NDRG4: variants seen among roughly 807,000 people sequenced by gnomAD.
NDRG4 encodes the protein NDRG family member 4, also known as protein NDRG4.
A neutral mutation model predicts 55.8 loss-of-function variants in NDRG4; 38 were observed. The ratio of observed to expected loss-of-function variants is 0.68; its 90% CI spans 0.53 to 0.89. The LOEUF is 0.89. Among genes scored for constraint, NDRG4 ranks in the 40% least tolerant of loss-of-function variants. NDRG4 has a pLI of 0.00. For synonymous variants in NDRG4, 190 were observed against 182.7 expected (o/e 1.04, Z -0.32); for missense variants, 455 against 468.6 (o/e 0.97, Z 0.27).
In NDRG4 at chr16:58,492,551, T is replaced by C. The variant is rs3991379; in HGVS notation, c.73-2413T>C. ...GTGTGTGTGTGTGTGTGTGTGTGTG[T>C]GAGAGACAGACAGACAGTCTCGCCC... On this transcript the variant is annotated intron_variant, in intron 2 of 15. Transcript: ENST00000258187. 1.1e-4 allele frequency among the ~76,000 whole-genome samples: 5 copies of C among 43,922 alleles called. 2 individuals carry two copies. The highest frequency in any genetic ancestry group is 3.8e-4 in the Non-Finnish European group (5 of 13,288). 28.8% of individuals were successfully genotyped at this position (43,922 alleles called of 152,430 possible).
At chr16:58,485,824 A>G (rs2035023625) in intron 1 of NDRG4, among the ~76,000 whole-genome samples, 1 of 152,184 alleles carries the variant, frequency 6.6e-6, no homozygotes, top group Non-Finnish European at 1.5e-5. Flanking sequence ...ATATTAAATA[A>G]TATTTTATTA....
chr16:58,512,015 C>A lies in NDRG4; in HGVS notation c.*439C>A. On this transcript the variant is annotated 3_prime_UTR_variant, in exon 15 of 15. Transcript: ENST00000570248. Reference sequence around the variant, plus strand: ...GCCCTGGGAGACCCCTTCCCCCACCCTCCACCAAGCACACCTGTTTCTGTC... The same window carrying A: ...GCCCTGGGAGACCCCTTCCCCCACCATCCACCAAGCACACCTGTTTCTGTC... 2.2e-6 allele frequency: 1 copy of A among 460,022 alleles called. No individual in the cohort carries two copies. The highest frequency in any genetic ancestry group is 4.4e-6 in the Non-Finnish European group (1 of 229,360). The allele number at this position is 460,022 out of a possible 1,614,324, so 28.5% of individuals were successfully genotyped here.
In NDRG4 at chr16:58,506,619, G is replaced by A. The variant is rs768756934; in HGVS notation, c.516+5G>A. 28 of 1,551,016 alleles carry A rather than the reference G, an allele frequency of 1.8e-5. No homozygotes were observed. The African/African-American group carries it at 3.6e-4, about 20-fold the overall frequency. ...CTCTCCCACCTCTTCAGCCAGGTAA[G>A]GGGGGGAACTTCTGCAGATCTGGGG... On this transcript the variant is annotated splice_donor_5th_base_variant and intron_variant, in intron 7 of 14. Coordinates refer to ENST00000570248, the MANE Select transcript of NDRG4 (RefSeq NM_001242835.2).
chr16:58,506,131 AGC>A (rs1567346632), intron 5 of NDRG4: 12 of 486,876 alleles, frequency 2.5e-5, no homozygotes, highest in East Asian at 1.5e-4. Context: ...CTGTTGAAAG[AGC>A]GTGTGTGTGT....
intron 2 of NDRG4, among the ~76,000 whole-genome samples, chr16:58,490,653 G>A (rs1210826056): frequency 1.3e-5 from 2 of 152,130 alleles, no homozygotes; most frequent in Non-Finnish European, 2.9e-5. Context: ...GTGGGCCTGG[G>A]CACATCTGCT....
At chr16:58,471,087 C>T (rs2032717155) in intron 1 of NDRG4, among the ~76,000 whole-genome samples, 1 of 151,898 alleles carries the variant, frequency 6.6e-6, no homozygotes, top group Middle Eastern at 3.2e-3. Context: ...TTCCCAGAAC[C>T]CCCAGAGGGA....
intron 13 of NDRG4, 34 bp downstream of exon 13, chr16:58,509,386 A>G: frequency 6.2e-7 from 1 of 1,606,812 alleles, no homozygotes; most frequent in Non-Finnish European, 8.5e-7. Flanking sequence ...CACACCACCT[A>G]GAGACCGGTG....
intron 1 of NDRG4, among the ~76,000 whole-genome samples, chr16:58,466,385 T>C: frequency 6.6e-6 from 1 of 152,188 alleles, no homozygotes; most frequent in Non-Finnish European, 1.5e-5. Flanking sequence ...CAACTCTTCC[T>C]GCCCCCAAAG....
At chr16:58,506,523 G>T in intron 6 of NDRG4, 35 bp from the exon 7 acceptor site, 4 of 1,600,198 alleles carry the variant, frequency 2.5e-6, no homozygotes, top group Non-Finnish European at 3.4e-6. Context: ...GTGGGGTGAG[G>T]GGCGGCACTC....
chr16:58,500,203 CTTTG>C lies in NDRG4; in HGVS notation c.-40_-37del, dbSNP rs1314944631. The C allele has an allele frequency of 3.3e-6, 5 of 1,535,950 alleles. No homozygotes were observed. The highest frequency in any genetic ancestry group is 2.0e-5 in the Admixed American group (1 of 50,972). On this transcript the variant is annotated 5_prime_UTR_variant, in exon 1 of 15. Coordinates refer to ENST00000570248, the MANE Select transcript of NDRG4 (RefSeq NM_001242835.2). ...CCCTCTGGACCCGAGTGACTCAGGC[CTTTG>C]TTTGTCCTTCCTGGTAGAGGCGGGT...
Position 58,464,614 on chromosome 16 carries a change from G to A in NDRG4, c.-24+817G>A. 2 of 975,956 alleles carry A rather than the reference G, an allele frequency of 2.0e-6. No individual in the cohort carries two copies. The highest frequency in any genetic ancestry group is 2.7e-6 in the Non-Finnish European group (2 of 738,426). The allele number at this position is 975,956 out of a possible 1,614,324, so 60.5% of individuals were successfully genotyped here. On this transcript the variant is annotated intron_variant, in intron 1 of 15. Transcript: ENST00000258187. The surrounding 1 kb of genome is among the most constrained non-coding windows in gnomAD (Gnocchi z 4.8). ...TCCTAGTTTTGTGCTACCTGTTTGTGTGCGGAGCCCAGCCCCGGGAGAGGA... is the reference window on the plus strand; with the variant it reads ...TCCTAGTTTTGTGCTACCTGTTTGTATGCGGAGCCCAGCCCCGGGAGAGGA...
At chr16:58,510,988 G>C (rs2038728177) in intron 14 of NDRG4, 2 of 534,614 alleles carry the variant, frequency 3.7e-6, no homozygotes, top group Non-Finnish European at 3.4e-6. Context: ...GAGCCACATA[G>C]GTGGCCAGGA....
At chr16:58,509,934 A>C (rs1446712064) in intron 13 of NDRG4, among the ~76,000 whole-genome samples, 2 of 147,624 alleles carry the variant, frequency 1.4e-5, no homozygotes, top group African/African-American at 4.9e-5. Flanking sequence ...AGGTACACAC[A>C]CACAGACACA....
chr16:58,494,503 C>T (rs2042405), intron 2 of NDRG4, among the ~76,000 whole-genome samples: 1 of 151,998 alleles, frequency 6.6e-6, no homozygotes, highest in Non-Finnish European at 1.5e-5. Flanking sequence ...TGCAGTGGGA[C>T]ATTCCAGCAC....
At position 58,510,634 on chromosome 16, in the gene NDRG4, TTCTC is replaced by T. The variant is rs908522053; in HGVS notation, c.866-7_866-4del. 19 of 1,535,626 alleles carry T rather than the reference TTCTC, an allele frequency of 1.2e-5. No homozygotes were observed. The highest frequency in any genetic ancestry group is 1.7e-4 in the Middle Eastern group (1 of 6,010). The stretch of plus-strand genomic sequence containing the variant: ...TCCCCGCCCCCTCTCCGGCTCTGTC[TTCTC>T]TCTTAGTTGCGTACTTGAAGGACCG... On this transcript the variant is annotated splice_polypyrimidine_tract_variant and splice_region_variant and intron_variant, in intron 13 of 14. Transcript: ENST00000570248.
chr16:58,495,064 C>A, intron 3 of NDRG4: 1 of 1,572,930 alleles, frequency 6.4e-7, no homozygotes, highest in South Asian at 1.1e-5. Context: ...AGCCCCTCAC[C>A]CCACCTGGCC....
chr16:58,504,638 G>A lies in NDRG4; in HGVS notation c.361G>A (p.Ala121Thr). Reference protein sequence around the residue: ...IGVGAGAYVLAKFALIFPDLV... With the variant: ...IGVGAGAYVLTKFALIFPDLV... ...AGTGGGCGCCGGAGCCTATGTGCTG[G>A]CCAAGTTTGCAGTGAGTCTCCCCAT... The change falls in exon 5 of 15, where the codon GCC (alanine) becomes ACC (threonine). Residue 121 changes from alanine (A) to threonine (T), a missense_variant. By Grantham distance (58) the Ala-to-Thr change is moderately conservative. Transcript: ENST00000570248. 6.2e-7 allele frequency: 1 copy of A among 1,614,188 alleles called. No homozygotes were observed. The highest frequency in any genetic ancestry group is 8.5e-7 in the Non-Finnish European group (1 of 1,180,028).
Position 58,507,022 on chromosome 16 carries a change from G to A in NDRG4, c.620+7G>A. On this transcript the variant is annotated splice_region_variant and intron_variant, in intron 8 of 14. Coordinates refer to ENST00000570248, the MANE Select transcript of NDRG4 (RefSeq NM_001242835.2). ...TCTGGAACATGTACAACAGGTGCGG[G>A]TGGGATCAGCAGCCCTGGGACCCAG... 6.2e-7 allele frequency: 1 copy of A among 1,610,560 alleles called. No homozygotes were observed. The highest frequency in any genetic ancestry group is 8.5e-7 in the Non-Finnish European group (1 of 1,178,070).
chr16:58,471,122 C>T (rs1205843126), intron 1 of NDRG4, among the ~76,000 whole-genome samples: 1 of 149,924 alleles, frequency 6.7e-6, no homozygotes, highest in Admixed American at 6.6e-5. Flanking sequence ...ATGTTAATTT[C>T]AGCCCAGAGA....
Sources: allele counts gnomAD v4.1 joint callset (sites outside exome capture counted in the v4.1 genomes callset), GRCh38; gene constraint gnomAD v4.1.1; non-coding constraint Gnocchi (gnomAD v3.1); transcripts MANE v1.5; gene names NCBI Gene and HGNC (gene_info 2026-07-23, HGNC 2026-07-21).